Variants in XYLT1 observed in about 807,000 individuals in gnomAD.
XYLT1 encodes xylosyltransferase 1.
XYLT1 carries 36 observed loss-of-function variants against 91.3 expected under a neutral mutation model. The ratio of observed to expected loss-of-function variants is 0.39; its 90% CI spans 0.30 to 0.52. XYLT1 has a LOEUF of 0.52. Ranked by LOEUF, XYLT1 falls within the 20% of genes least tolerant of loss-of-function variation. XYLT1 has a pLI of 0.68. For synonymous variants in XYLT1, 588 were observed against 532.0 expected (o/e 1.11, Z -1.45); for missense variants, 1,242 against 1,284.5 (o/e 0.97, Z 0.51).
intron 2 of XYLT1, among the ~76,000 whole-genome samples, chr16:17,346,473 G>C (rs891452505): frequency 6.6e-6 from 1 of 152,280 alleles, no homozygotes; most frequent in South Asian, 2.1e-4. Flanking sequence ...CACCAGTCAT[G>C]GACATCCAGC....
chr16:17,225,249 T>A (rs1027431208), intron 3 of XYLT1, among the ~76,000 whole-genome samples: 1 of 152,122 alleles, frequency 6.6e-6, no homozygotes, highest in African/African-American at 2.4e-5. Context: ...GTCAACTGTT[T>A]CCTGATCTTT....
At chr16:17,269,713 C>T (rs1406987949) in intron 2 of XYLT1, among the ~76,000 whole-genome samples, 1 of 152,122 alleles carries the variant, frequency 6.6e-6, no homozygotes, top group Non-Finnish European at 1.5e-5. Flanking sequence ...CCCTCCCTTC[C>T]TGCTTTTGGT....
intron 10 of XYLT1, among the ~76,000 whole-genome samples, chr16:17,123,500 T>C (rs1157984672): frequency 2.0e-5 from 3 of 152,294 alleles, no homozygotes; most frequent in Admixed American, 6.5e-5. Context: ...CCTTTTGGAG[T>C]TAATTTCCAA....
chr16:17,207,412 G>T (rs769374961), intron 3 of XYLT1, among the ~76,000 whole-genome samples: 8 of 152,158 alleles, frequency 5.3e-5, no homozygotes, highest in Non-Finnish European at 1.2e-4. Flanking sequence ...CCAAGGTCAT[G>T]CTCTTATCTC....
At chr16:17,255,580 C>T (rs1331760285) in intron 3 of XYLT1, among the ~76,000 whole-genome samples, 1 of 152,238 alleles carries the variant, frequency 6.6e-6, no homozygotes, top group African/African-American at 2.4e-5. Context: ...AAACGTTGCA[C>T]TCCACTTAAT....
chr16:17,277,679 C>T (rs565470657), intron 2 of XYLT1, among the ~76,000 whole-genome samples: 196 of 152,226 alleles, frequency 1.3e-3, no homozygotes, highest in African/African-American at 3.8e-3. Context: ...GGTGAGCCCC[C>T]GGGTTCAACC....
chr16:17,468,294 A>G (rs1273472887), intron 1 of XYLT1, among the ~76,000 whole-genome samples: 1 of 152,160 alleles, frequency 6.6e-6, no homozygotes, highest in African/African-American at 2.4e-5. Flanking sequence ...AGCAAATGAA[A>G]TAAAATACAA....
At chr16:17,290,834 G>C (rs2034211882) in intron 2 of XYLT1, among the ~76,000 whole-genome samples, 1 of 152,196 alleles carries the variant, frequency 6.6e-6, no homozygotes, top group South Asian at 2.1e-4. Flanking sequence ...CTATTAATTT[G>C]GGTGATCAGA....
intron 1 of XYLT1, among the ~76,000 whole-genome samples, chr16:17,375,682 C>T (rs2035590564): frequency 1.3e-5 from 2 of 152,204 alleles, no homozygotes; most frequent in Non-Finnish European, 2.9e-5. Flanking sequence ...GTCCATGATC[C>T]AGAGAGGCCG....
chr16:17,145,942 T>C (rs1291740209), intron 6 of XYLT1, among the ~76,000 whole-genome samples: 1 of 152,214 alleles, frequency 6.6e-6, no homozygotes, highest in Non-Finnish European at 1.5e-5. Context: ...TTATTCTCAC[T>C]ACAACACACT....
rs1269470790 is a variant in XYLT1 at position 17,127,833 on chromosome 16, C to T, written c.2056G>A (p.Val686Met). Residue 686 changes from valine to methionine, a missense_variant, in exon 10 of 12, where the codon GTG (valine) becomes ATG (methionine). Around this residue, in one of 3 missense-constraint regions of XYLT1, gnomAD observed 511 missense variants for 497.0 expected, o/e 1.03. Transcript: ENST00000261381. Reference sequence around the variant, plus strand: ...CGGTCAGCAAGGAAGTAGAGGTGCACAGATGCTGGGTGGCCCATTGGGTAG... The same window carrying T: ...CGGTCAGCAAGGAAGTAGAGGTGCATAGATGCTGGGTGGCCCATTGGGTAG... ...RYYPMGHPAS[V>M]HLYFLADRFQ... 1 of 1,614,034 alleles carries T rather than the reference C, an allele frequency of 6.2e-7. No homozygotes were observed. The highest frequency in any genetic ancestry group is 8.5e-7 in the Non-Finnish European group (1 of 1,179,986).
rs771721270 is a variant in XYLT1, at chr16:17,259,384, G to C, written c.517C>G (p.Gln173Glu). 8 of 1,614,052 alleles carry C rather than the reference G, an allele frequency of 5.0e-6. No homozygotes were observed. The highest frequency in any genetic ancestry group is 6.8e-6 in the Non-Finnish European group (8 of 1,180,048). ...VDNSNFAPRT[Q>E]KQKHQPELAK... ...AACTCAGGCTGGTGCTTCTGCTTTTGAGTCCTGGGTGCGAAGTTGCTGTTG... is the reference window on the plus strand; with the variant it reads ...AACTCAGGCTGGTGCTTCTGCTTTTCAGTCCTGGGTGCGAAGTTGCTGTTG... The change falls in exon 3 of 12, where the codon CAA becomes GAA. Residue 173 changes from glutamine to glutamate, a missense_variant. Transcript: ENST00000261381.
intron 3 of XYLT1, among the ~76,000 whole-genome samples, chr16:17,244,174 T>C (rs746146766): frequency 1.2e-4 from 19 of 152,076 alleles, no homozygotes; most frequent in Non-Finnish European, 2.5e-4. Flanking sequence ...TCCGGGCTTC[T>C]CAAAGTGTAG....
intron 2 of XYLT1, among the ~76,000 whole-genome samples, chr16:17,318,665 A>G (rs928127366): frequency 6.6e-6 from 1 of 152,232 alleles, no homozygotes; most frequent in Non-Finnish European, 1.5e-5. Flanking sequence ...CTGAGTCTAC[A>G]GATGTATATA....
intron 2 of XYLT1, among the ~76,000 whole-genome samples, chr16:17,354,282 G>T (rs1049263747): frequency 1.3e-5 from 2 of 152,118 alleles, no homozygotes; most frequent in Admixed American, 1.3e-4. Context: ...TATTAATCTG[G>T]CCGTTAAGCA....
intron 1 of XYLT1, among the ~76,000 whole-genome samples, chr16:17,429,159 G>A (rs2141930123): frequency 6.6e-6 from 1 of 152,338 alleles, no homozygotes; most frequent in African/African-American, 2.4e-5. Context: ...TTCAAGTTGT[G>A]AGGATCAAAC....
intron 2 of XYLT1, among the ~76,000 whole-genome samples, chr16:17,266,465 G>C (rs1596456965): frequency 1.3e-5 from 2 of 152,158 alleles, no homozygotes; most frequent in Admixed American, 1.3e-4. Flanking sequence ...CCATTTTTCA[G>C]ATTGGAACAT....
In XYLT1 at chr16:17,344,361, C is replaced by T. The variant is rs1420037122; in HGVS notation, c.402+13651G>A. Reference sequence around the variant, plus strand: ...AAAAAAAATTAGCCGGGCGTGGTGGCGGGCGCCTGTAGTCCCAGCTACTCA... The same window carrying T: ...AAAAAAAATTAGCCGGGCGTGGTGGTGGGCGCCTGTAGTCCCAGCTACTCA... On this transcript the variant is annotated intron_variant, in intron 2 of 11. Transcript: ENST00000261381. Among the ~76,000 whole-genome samples the T allele has an allele frequency of 5.3e-5, 8 of 150,520 alleles. No homozygotes were observed. The East Asian group carries it at 7.9e-4, about 15-fold the overall frequency.
At chr16:17,337,675 C>T (rs1379424020) in intron 2 of XYLT1, among the ~76,000 whole-genome samples, 1 of 152,068 alleles carries the variant, frequency 6.6e-6, no homozygotes, top group African/African-American at 2.4e-5. Flanking sequence ...ACCACAAACC[C>T]TTGTCTCCGA....
Sources: allele counts gnomAD v4.1 joint callset (sites outside exome capture counted in the v4.1 genomes callset), GRCh38; gene constraint gnomAD v4.1.1; regional missense constraint gnomAD v4.1.1; transcripts MANE v1.5; gene names NCBI Gene and HGNC (gene_info 2026-07-23, HGNC 2026-07-21).